The following ATP8A2 variants were observed in gnomAD, a reference collection of about 807,000 sequenced individuals.
ATP8A2 encodes the protein ATPase phospholipid transporting 8A2.
In ATP8A2, 100 loss-of-function variants were observed where a neutral mutation model predicts 165.6. The ratio of observed to expected loss-of-function variants is 0.60; its 90% CI spans 0.51 to 0.71. ATP8A2 has a LOEUF of 0.71. Among genes scored for constraint, ATP8A2 ranks in the 30% least tolerant of loss-of-function variants. The pLI is 0.00. For synonymous variants in ATP8A2, 543 were observed against 548.8 expected, an observed-to-expected ratio of 0.99 and a Z score of 0.15; for missense variants, 1,227 against 1,479.5, an observed-to-expected ratio of 0.83 and a Z score of 2.80.
intron 24 of ATP8A2, among the ~76,000 whole-genome samples, chr13:25,680,664 T>C (rs540912936): frequency 7.6e-4 from 115 of 152,316 alleles, no homozygotes; most frequent in African/African-American, 2.7e-3. Flanking sequence ...GGGAATGTTC[T>C]GGAGTGTTCT....
intron 24 of ATP8A2, among the ~76,000 whole-genome samples, chr13:25,598,205 A>C (rs1482753153): frequency 6.6e-6 from 1 of 152,156 alleles, no homozygotes; most frequent in Non-Finnish European, 1.5e-5. Context: ...TCGACCCTCT[A>C]ATTTATTGCA....
rs950538132 is a variant in ATP8A2, at chr13:25,988,379, C to A, written c.3377+19700C>A. On this transcript the variant is annotated intron_variant, in intron 35 of 36. Coordinates refer to ENST00000381655, the MANE Select transcript of ATP8A2 (RefSeq NM_016529.6). ...ATGCTTTCTCATGCATCCAGCTCAGCCTCCAACCTACAATACCATAATGAT... is the reference window on the plus strand; with the variant it reads ...ATGCTTTCTCATGCATCCAGCTCAGACTCCAACCTACAATACCATAATGAT... 8.5e-5 allele frequency among the ~76,000 whole-genome samples: 13 copies of A among 152,358 alleles called. No homozygotes were observed. The South Asian group carries it at 2.3e-3, about 27-fold the overall frequency.
At chr13:25,864,683 G>C (rs1394353369) in intron 33 of ATP8A2, among the ~76,000 whole-genome samples, 1 of 152,136 alleles carries the variant, frequency 6.6e-6, no homozygotes, top group Admixed American at 6.5e-5. Context: ...TTATTGGTTG[G>C]TTCCCATGAA....
At position 25,498,486 on chromosome 13, in the gene ATP8A2, A is replaced by G. The variant is rs117746816; in HGVS notation, c.221+29365A>G. 8.1e-3 allele frequency among the ~76,000 whole-genome samples: 1,229 copies of G among 152,312 alleles called. 7 individuals are homozygous for G. The highest frequency in any genetic ancestry group is 0.017 in the Middle Eastern group (5 of 294). ...AATGATGCTGCAGATTCAGTCTCTC[A>G]GACATGGAGTCTACCTTTGTCTTGT... On this transcript the variant is annotated intron_variant, in intron 2 of 36. Coordinates refer to ENST00000381655, the MANE Select transcript of ATP8A2 (RefSeq NM_016529.6).
At chr13:25,677,271 T>G (rs1483819240) in intron 24 of ATP8A2, among the ~76,000 whole-genome samples, 1 of 152,240 alleles carries the variant, frequency 6.6e-6, no homozygotes, top group East Asian at 1.9e-4. Flanking sequence ...AAGTGTTCAG[T>G]AGGCACCTGT....
chr13:25,591,298 C>T (rs756254823), intron 24 of ATP8A2: 4 of 456,550 alleles, frequency 8.8e-6, no homozygotes, highest in South Asian at 6.2e-5. Flanking sequence ...CCCCTTTGAA[C>T]AACTACTCTC....
At chr13:25,823,585 G>A (rs185046249) in intron 27 of ATP8A2, among the ~76,000 whole-genome samples, 2 of 151,878 alleles carry the variant, frequency 1.3e-5, no homozygotes, top group African/African-American at 4.8e-5. Flanking sequence ...CTCTCTTTTG[G>A]TATTGTGTAC....
At chr13:25,761,503 C>A (rs2138248489) in intron 25 of ATP8A2, among the ~76,000 whole-genome samples, 1 of 152,082 alleles carries the variant, frequency 6.6e-6, no homozygotes, top group East Asian at 1.9e-4. Context: ...CTAAGCTGGG[C>A]AAAGTGATGC....
At chr13:25,462,896 A>G (rs1275298800) in intron 1 of ATP8A2, among the ~76,000 whole-genome samples, 1 of 152,190 alleles carries the variant, frequency 6.6e-6, no homozygotes, top group Non-Finnish European at 1.5e-5. Flanking sequence ...ACTGAAGACA[A>G]AGACCAGACA....
chr13:26,000,614 C>T (rs112574429), intron 35 of ATP8A2, among the ~76,000 whole-genome samples: 43 of 145,970 alleles, frequency 2.9e-4, no homozygotes, highest in Admixed American at 1.6e-3. Flanking sequence ...TAAGACTGCA[C>T]ATATCTCTGG....
intron 2 of ATP8A2, among the ~76,000 whole-genome samples, chr13:25,501,316 T>C (rs1593409921): frequency 6.6e-6 from 1 of 152,028 alleles, no homozygotes; most frequent in East Asian, 1.9e-4. Flanking sequence ...TTCCCTCTGG[T>C]TTCCATGAGA....
chr13:25,857,691 C>T (rs1248610491), intron 30 of ATP8A2, among the ~76,000 whole-genome samples: 3 of 151,268 alleles, frequency 2.0e-5, no homozygotes, highest in Non-Finnish European at 4.4e-5. Flanking sequence ...CTGCCTCAGC[C>T]TCCTGAGTAG....
At chr13:25,693,601 A>G (rs1416454852) in intron 24 of ATP8A2, among the ~76,000 whole-genome samples, 3 of 152,154 alleles carry the variant, frequency 2.0e-5, no homozygotes, top group Non-Finnish European at 4.4e-5. Context: ...GCAAAATGTA[A>G]CTCAAAGTGT....
chr13:25,960,291 C>T (rs1361674183), intron 33 of ATP8A2, among the ~76,000 whole-genome samples: 2 of 152,194 alleles, frequency 1.3e-5, no homozygotes, highest in Admixed American at 6.5e-5. Flanking sequence ...AGTGGGTTGA[C>T]TCTTGGATGC....
intron 1 of ATP8A2, among the ~76,000 whole-genome samples, chr13:25,468,098 A>G (rs1260914276): frequency 6.6e-6 from 1 of 152,120 alleles, no homozygotes; most frequent in Non-Finnish European, 1.5e-5. Context: ...ACGTGCGGGT[A>G]CCAGTTTCAG....
intron 35 of ATP8A2, among the ~76,000 whole-genome samples, chr13:25,971,645 A>C (rs9507613): frequency 0.29 from 44,395 of 151,854 alleles, 7,007 homozygotes; most frequent in Non-Finnish European, 0.35. Flanking sequence ...TCAGTGCCAG[A>C]TGAGCTGACA....
chr13:25,703,302 T>A (rs952121069), intron 25 of ATP8A2, among the ~76,000 whole-genome samples: 1 of 152,106 alleles, frequency 6.6e-6, no homozygotes, highest in Non-Finnish European at 1.5e-5. Flanking sequence ...ATGGTCTCGA[T>A]CTCTTGACCT....
intron 21 of ATP8A2, 80 bp from the exon 22 acceptor site, chr13:25,579,728 T>C: frequency 1.9e-6 from 3 of 1,544,622 alleles, no homozygotes; most frequent in Non-Finnish European, 2.7e-6. Flanking sequence ...TTGGGCATGC[T>C]GATGGAAAAG....
At chr13:25,887,647 C>A (rs1179563962) in intron 33 of ATP8A2, among the ~76,000 whole-genome samples, 1 of 152,178 alleles carries the variant, frequency 6.6e-6, no homozygotes, top group African/African-American at 2.4e-5. Flanking sequence ...CTCAGTCCAA[C>A]TTTTATTATT....
Sources: gnomAD v4.1 joint callset for allele counts (sites outside exome capture counted in the v4.1 genomes callset) on GRCh38, gnomAD v4.1.1 for gene constraint, MANE v1.5 for transcripts, NCBI Gene and HGNC (gene_info 2026-07-23, HGNC 2026-07-21) for gene names.